The following SGCZ variants were observed in gnomAD, a reference collection of about 807,000 sequenced individuals.
The protein encoded by SGCZ is zeta-sarcoglycan.
In SGCZ, 40 loss-of-function variants were observed where a neutral mutation model predicts 41.3. That is an observed-to-expected ratio of 0.97 (90% CI 0.75 to 1.26). SGCZ has a LOEUF of 1.26. Among genes scored for constraint, SGCZ ranks in the 50% most tolerant of loss-of-function variants. SGCZ has a pLI of 0.00. For synonymous variants in SGCZ, 206 were observed against 137.5 expected, an observed-to-expected ratio of 1.50 and a Z score of -3.49; for missense variants, 552 against 369.8, an observed-to-expected ratio of 1.49 and a Z score of -4.04.
In SGCZ at chr8:15,069,025, A is replaced by G. The variant is rs549267396; in HGVS notation, c.39+168560T>C. ...GCCAAAAAATACTCCCTACTGGACAAAAACGGGCTACTGCTGAAGTTAAAG... is the reference window on the plus strand; with the variant it reads ...GCCAAAAAATACTCCCTACTGGACAGAAACGGGCTACTGCTGAAGTTAAAG... On this transcript the variant is annotated intron_variant, in intron 1 of 7. Transcript: ENST00000382080. Among the ~76,000 whole-genome samples, 4 of 152,346 alleles carry G rather than the reference A, an allele frequency of 2.6e-5. No homozygotes were observed. In the East Asian group the frequency reaches 5.8e-4, roughly 22 times the overall value.
chr8:14,702,982 C>T (rs2898398), intron 1 of SGCZ, among the ~76,000 whole-genome samples: 13 of 140,982 alleles, frequency 9.2e-5, no homozygotes, highest in African/African-American at 2.4e-4. Flanking sequence ...GACAGACAGA[C>T]AGACAGATAG....
chr8:14,115,306 T>C (rs1423603537), intron 5 of SGCZ, among the ~76,000 whole-genome samples: 7 of 152,044 alleles, frequency 4.6e-5, no homozygotes, highest in Non-Finnish European at 8.8e-5. Flanking sequence ...GGGTATGCAC[T>C]TTTTAAAAGG....
intron 2 of SGCZ, among the ~76,000 whole-genome samples, chr8:14,408,104 T>C (rs1465615738): frequency 1.3e-5 from 2 of 152,152 alleles, no homozygotes; most frequent in African/African-American, 4.8e-5. Context: ...AACTACCTCT[T>C]TTACTTCAAT....
chr8:14,163,663 G>A (rs1305277578), intron 5 of SGCZ, among the ~76,000 whole-genome samples: 1 of 152,084 alleles, frequency 6.6e-6, no homozygotes, highest in Non-Finnish European at 1.5e-5. Context: ...GAGGCATCTA[G>A]AGTTGAATAT....
chr8:14,652,717 T>G (rs893778029), intron 1 of SGCZ, among the ~76,000 whole-genome samples: 1 of 152,078 alleles, frequency 6.6e-6, no homozygotes, highest in African/African-American at 2.4e-5. Flanking sequence ...AAAGGAAAGT[T>G]TGTTAAGATT....
chr8:14,794,268 A>G (rs188157218), intron 1 of SGCZ, among the ~76,000 whole-genome samples: 4 of 152,282 alleles, frequency 2.6e-5, no homozygotes, highest in Non-Finnish European at 5.9e-5. Context: ...AACAGTAAAT[A>G]GTAGGATGCA....
chr8:14,179,545 T>C (rs11203581), intron 4 of SGCZ, among the ~76,000 whole-genome samples: 46,522 of 151,958 alleles, frequency 0.31, 7,702 homozygotes, highest in East Asian at 0.62. Flanking sequence ...TCTCCCTGTT[T>C]CACTATATTA....
intron 1 of SGCZ, among the ~76,000 whole-genome samples, chr8:14,870,919 G>A (rs956457801): frequency 1.3e-5 from 2 of 152,070 alleles, no homozygotes; most frequent in Admixed American, 6.6e-5. Context: ...TAAAAAGTCA[G>A]GAAACAGGCC....
chr8:15,158,808 G>C (rs781389692), intron 1 of SGCZ, among the ~76,000 whole-genome samples: 1 of 152,188 alleles, frequency 6.6e-6, no homozygotes, highest in Non-Finnish European at 1.5e-5. Flanking sequence ...GAGTGACAAA[G>C]AAAGATCTAG....
intron 1 of SGCZ, among the ~76,000 whole-genome samples, chr8:14,818,503 G>C (rs1183601796): frequency 6.6e-6 from 1 of 152,090 alleles, no homozygotes; most frequent in Non-Finnish European, 1.5e-5. Flanking sequence ...TTATATCATT[G>C]TAAGGAAACA....
chr8:14,101,111 G>C (rs1317493360), intron 7 of SGCZ, among the ~76,000 whole-genome samples: 2 of 151,848 alleles, frequency 1.3e-5, no homozygotes, highest in Non-Finnish European at 2.9e-5. Flanking sequence ...CATCTGCCAA[G>C]ATGTCCAGGT....
At chr8:14,848,223 G>A (rs559357169) in intron 1 of SGCZ, among the ~76,000 whole-genome samples, 1 of 152,070 alleles carries the variant, frequency 6.6e-6, no homozygotes, top group African/African-American at 2.4e-5. Flanking sequence ...GCAAAATAAA[G>A]GAAGCCATAG....
At chr8:14,147,118 T>C (rs1290284974) in intron 5 of SGCZ, among the ~76,000 whole-genome samples, 1 of 151,580 alleles carries the variant, frequency 6.6e-6, no homozygotes, top group African/African-American at 2.4e-5. Flanking sequence ...GTACAATAGA[T>C]ACACAAAAAC....
intron 1 of SGCZ, among the ~76,000 whole-genome samples, chr8:15,222,524 A>G (rs1260630215): frequency 1.3e-5 from 2 of 152,228 alleles, no homozygotes; most frequent in Admixed American, 1.3e-4. Context: ...AATGCTTACA[A>G]ATGATTTAAT....
chr8:14,968,376 CAT>C (rs1478177788), intron 1 of SGCZ, among the ~76,000 whole-genome samples: 1 of 151,986 alleles, frequency 6.6e-6, no homozygotes, highest in East Asian at 1.9e-4. Context: ...ACAGAGCAGA[CAT>C]AGAAGGAAAA....
At chr8:15,154,169 C>T (rs537564180) in intron 1 of SGCZ, among the ~76,000 whole-genome samples, 1 of 152,274 alleles carries the variant, frequency 6.6e-6, no homozygotes, top group Admixed American at 6.5e-5. Context: ...ATAAATTATC[C>T]AGTATCTGGT....
intron 2 of SGCZ, among the ~76,000 whole-genome samples, chr8:14,505,381 A>C (rs1455758502): frequency 3.3e-5 from 5 of 152,108 alleles, no homozygotes; most frequent in Admixed American, 3.3e-4. Flanking sequence ...CCATTTTATA[A>C]GGCTCTGAAC....
intron 2 of SGCZ, among the ~76,000 whole-genome samples, chr8:14,524,270 C>A (rs1240894379): frequency 2.0e-5 from 3 of 151,656 alleles, no homozygotes; most frequent in Non-Finnish European, 4.4e-5. Context: ...GTATGTGCTG[C>A]CTTACTGATT....
chr8:15,135,900 G>C (rs1235757634), intron 1 of SGCZ, among the ~76,000 whole-genome samples: 1 of 152,186 alleles, frequency 6.6e-6, no homozygotes, highest in Non-Finnish European at 1.5e-5. Context: ...TAGCAGCTCA[G>C]GGGCAGTTGC....
Sources: allele counts gnomAD v4.1 joint callset (sites outside exome capture counted in the v4.1 genomes callset), GRCh38; gene constraint gnomAD v4.1.1; transcripts MANE v1.5; gene names NCBI Gene and HGNC (gene_info 2026-07-23, HGNC 2026-07-21).